ZNF385D: variants seen among roughly 807,000 people sequenced by gnomAD.
ZNF385D encodes the protein zinc finger protein 385D.
Under a neutral mutation model 35.8 loss-of-function variants are expected in ZNF385D, and 15 were observed. That is an observed-to-expected ratio of 0.42 (90% CI 0.28 to 0.64). ZNF385D has a LOEUF of 0.64. Ranked by LOEUF, ZNF385D falls within the 30% of genes least tolerant of loss-of-function variation. The pLI, the probability that ZNF385D is intolerant of heterozygous loss-of-function variation, is 0.23. For synonymous variants in ZNF385D, 212 were observed against 186.8 expected, an observed-to-expected ratio of 1.13 and a Z score of -1.10; for missense variants, 474 against 494.6, an observed-to-expected ratio of 0.96 and a Z score of 0.39.
At chr3:21,635,339 G>A (rs962198579) in intron 2 of ZNF385D, among the ~76,000 whole-genome samples, 1 of 151,994 alleles carries the variant, frequency 6.6e-6, no homozygotes, top group Admixed American at 6.6e-5. Flanking sequence ...TGCCTGGTCC[G>A]TTCGACATGA....
chr3:21,847,249 G>A (rs1400547681), intron 3 of ZNF385D, among the ~76,000 whole-genome samples: 6 of 152,022 alleles, frequency 3.9e-5, no homozygotes, highest in Non-Finnish European at 8.8e-5. Flanking sequence ...TACATGCAAA[G>A]GACTTTTTTA....
At position 21,413,941 on chromosome 3, in the gene ZNF385D, T is replaced by G. The variant is rs1394661294; in HGVS notation, c.*7273A>C. 6.6e-6 allele frequency: 1 copy of G among 152,144 alleles called. No homozygotes were observed. Among genetic ancestry groups the G allele is most frequent in the East Asian group, 1.9e-4 (1 of 5,192 alleles). The allele number at this position is 152,144 out of a possible 1,614,324, so 9.4% of individuals were successfully genotyped here. On this transcript the variant is annotated 3_prime_UTR_variant, in exon 8 of 8. Coordinates refer to ENST00000281523, the MANE Select transcript of ZNF385D (RefSeq NM_024697.3). ...TCGACAGTGTCTGTTTGTAGTTTTA[T>G]TGTGAAGAACAGCCATTTTAAAATA...
intron 3 of ZNF385D, among the ~76,000 whole-genome samples, chr3:21,841,598 A>C (rs1695678724): frequency 1.3e-5 from 2 of 151,946 alleles, no homozygotes; most frequent in African/African-American, 4.8e-5. Flanking sequence ...ATTTTTGTGA[A>C]TAGCCTGTTT....
At chr3:21,818,772 T>C (rs920451018) in intron 3 of ZNF385D, among the ~76,000 whole-genome samples, 3 of 152,000 alleles carry the variant, frequency 2.0e-5, no homozygotes, top group Non-Finnish European at 4.4e-5. Flanking sequence ...ATTATCCAAA[T>C]ATATTTTTGT....
intron 2 of ZNF385D, among the ~76,000 whole-genome samples, chr3:22,189,702 A>G (rs1220562733): frequency 6.6e-6 from 1 of 152,172 alleles, no homozygotes; most frequent in Non-Finnish European, 1.5e-5. Context: ...CAAAAATCTG[A>G]TATTTTTAGA....
At chr3:21,570,819 A>G (rs974701817) in intron 2 of ZNF385D, among the ~76,000 whole-genome samples, 1 of 152,176 alleles carries the variant, frequency 6.6e-6, no homozygotes, top group South Asian at 2.1e-4. Flanking sequence ...ATATTCAACT[A>G]TGAACATTTG....
Position 22,182,031 on chromosome 3 carries a change from A to G in ZNF385D, c.107-12996T>C, listed in dbSNP as rs145272688. On this transcript the variant is annotated intron_variant, in intron 2 of 5. Transcript: ENST00000494108. ...AGGTGGTTCCTTCCCCAGTTGAACG[A>G]TAGATGAAAACACATCCCTGCCTAT... Among the ~76,000 whole-genome samples, 202 of 152,138 alleles carry G rather than the reference A, an allele frequency of 1.3e-3. 1 individual carries two copies. Among genetic ancestry groups the G allele is most frequent in the African/African-American group, 4.6e-3 (192 of 41,566 alleles).
chr3:21,708,116 G>A (rs1396389917), intron 1 of ZNF385D, among the ~76,000 whole-genome samples: 1 of 152,158 alleles, frequency 6.6e-6, no homozygotes, highest in African/African-American at 2.4e-5. Context: ...GACAAGCCAA[G>A]TTCTAATATT....
chr3:21,735,114 A>C (rs1376145329), intron 1 of ZNF385D, among the ~76,000 whole-genome samples: 5 of 152,206 alleles, frequency 3.3e-5, no homozygotes, highest in Admixed American at 3.3e-4. Flanking sequence ...TTCAATCCTA[A>C]TGCAAATAAT....
chr3:21,695,638 G>C (rs2067443937), intron 1 of ZNF385D, among the ~76,000 whole-genome samples: 1 of 152,028 alleles, frequency 6.6e-6, no homozygotes, highest in African/African-American at 2.4e-5. Flanking sequence ...CAACACCATA[G>C]AGAAAATTTA....
At chr3:21,492,712 A>T (rs938689094) in intron 4 of ZNF385D, among the ~76,000 whole-genome samples, 13 of 151,748 alleles carry the variant, frequency 8.6e-5, no homozygotes, top group Non-Finnish European at 2.9e-5. Context: ...TGAACCTGGG[A>T]GGTAGATGTT....
chr3:22,238,814 C>A (rs1559472098), intron 2 of ZNF385D, among the ~76,000 whole-genome samples: 1 of 150,922 alleles, frequency 6.6e-6, no homozygotes, highest in East Asian at 2.0e-4. Context: ...CTCACTGCAG[C>A]CTTGAACTCC....
At chr3:21,663,370 C>T (rs2066295200) in intron 2 of ZNF385D, among the ~76,000 whole-genome samples, 1 of 152,050 alleles carries the variant, frequency 6.6e-6, no homozygotes, top group South Asian at 2.1e-4. Flanking sequence ...TATGGCCTTC[C>T]AGGAATTTTA....
At chr3:21,683,102 G>A (rs943748774) in intron 1 of ZNF385D, among the ~76,000 whole-genome samples, 1 of 149,518 alleles carries the variant, frequency 6.7e-6, no homozygotes, top group Non-Finnish European at 1.5e-5. Context: ...TAATTCCTAG[G>A]TAATGCTGAT....
intron 2 of ZNF385D, among the ~76,000 whole-genome samples, chr3:21,631,788 T>A (rs950698920): frequency 1.3e-5 from 2 of 152,078 alleles, no homozygotes; most frequent in Non-Finnish European, 2.9e-5. Context: ...GGGTCTAACA[T>A]AAGAAGGTGT....
chr3:22,037,143 G>A (rs1698377733), intron 3 of ZNF385D, among the ~76,000 whole-genome samples: 1 of 151,940 alleles, frequency 6.6e-6, no homozygotes, highest in Non-Finnish European at 1.5e-5. Flanking sequence ...CCAAGTCTTT[G>A]CTATTGTGAA....
intron 2 of ZNF385D, among the ~76,000 whole-genome samples, chr3:22,338,425 C>G (rs73039292): frequency 0.03 from 4,503 of 152,072 alleles, 81 homozygotes; most frequent in South Asian, 0.079. Context: ...AATTGAAGAC[C>G]TATGTAGCTG....
At chr3:22,356,534 T>C (rs1696157635) in intron 2 of ZNF385D, among the ~76,000 whole-genome samples, 1 of 151,942 alleles carries the variant, frequency 6.6e-6, no homozygotes, top group Admixed American at 6.6e-5. Context: ...TTCCAGCAGG[T>C]CTTCTGTGCT....
chr3:22,046,695 G>A (rs2125517937), intron 3 of ZNF385D, among the ~76,000 whole-genome samples: 1 of 152,184 alleles, frequency 6.6e-6, no homozygotes, highest in Non-Finnish European at 1.5e-5. Context: ...ATTCGCTCAA[G>A]AAAAGTTAGA....
Sources: allele counts gnomAD v4.1 joint callset (sites outside exome capture counted in the v4.1 genomes callset), GRCh38; gene constraint gnomAD v4.1.1; transcripts MANE v1.5; gene names NCBI Gene and HGNC (gene_info 2026-07-23, HGNC 2026-07-21).